SLC6A11: variants seen among roughly 807,000 people sequenced by gnomAD.
SLC6A11 encodes sodium- and chloride-dependent GABA transporter 3.
In SLC6A11, 25 loss-of-function variants were observed where a neutral mutation model predicts 74.8. The observed-to-expected ratio is 0.33, with a 90% CI of 0.24 to 0.47. The LOEUF is 0.47. Among genes scored for constraint, SLC6A11 ranks in the 20% least tolerant of loss-of-function variants. SLC6A11 has a pLI of 1.00. For synonymous variants in SLC6A11, 330 were observed against 330.2 expected (o/e 1.00, Z 0.01); for missense variants, 574 against 837.0 (o/e 0.69, Z 3.88).
At chr3:10,912,479 G>T (rs1695400365) in intron 7 of SLC6A11, among the ~76,000 whole-genome samples, 1 of 152,222 alleles carries the variant, frequency 6.6e-6, no homozygotes. Context: ...ACGTATTCCA[G>T]GATGGATAAG....
At chr3:10,846,571 G>A (rs1241969381) in intron 5 of SLC6A11, among the ~76,000 whole-genome samples, 1 of 152,194 alleles carries the variant, frequency 6.6e-6, no homozygotes, top group Non-Finnish European at 1.5e-5. Flanking sequence ...GTCCCTTAGT[G>A]AGGCCCTTTG....
At chr3:10,875,208 T>C (rs1435508566) in intron 6 of SLC6A11, 113 bp downstream of exon 6, 1 of 834,256 alleles carries the variant, frequency 1.2e-6, no homozygotes, top group African/African-American at 1.7e-5. Flanking sequence ...GTGGAAAGCC[T>C]GTGGACTCTT....
intron 5 of SLC6A11, among the ~76,000 whole-genome samples, chr3:10,854,632 C>CAG (rs1216079812): frequency 3.3e-5 from 5 of 152,242 alleles, no homozygotes; most frequent in African/African-American, 1.2e-4. Flanking sequence ...TTTTATAAGG[C>CAG]AGAGAGAGAC....
chr3:10,886,445 G>A (rs948169976), intron 6 of SLC6A11, among the ~76,000 whole-genome samples: 3 of 152,154 alleles, frequency 2.0e-5, no homozygotes, highest in African/African-American at 7.2e-5. Context: ...ATATTCCTGT[G>A]GCTGGCTCCC....
chr3:10,937,941 G>A (rs754011370), intron 13 of SLC6A11, among the ~76,000 whole-genome samples: 8 of 152,190 alleles, frequency 5.3e-5, no homozygotes, highest in Non-Finnish European at 4.4e-5. Flanking sequence ...CCTGATGACC[G>A]CTCTGAGTCC....
chr3:10,886,580 T>C (rs895190024), intron 6 of SLC6A11, among the ~76,000 whole-genome samples: 5 of 152,156 alleles, frequency 3.3e-5, no homozygotes, highest in Admixed American at 2.0e-4. Flanking sequence ...GGCCAAGACA[T>C]GTGGATCACT....
intron 5 of SLC6A11, among the ~76,000 whole-genome samples, chr3:10,858,878 A>G (rs1353652026): frequency 6.6e-6 from 1 of 152,230 alleles, no homozygotes; most frequent in African/African-American, 2.4e-5. Flanking sequence ...TGTGCAGCAT[A>G]TGGGATTGTC....
Position 10,934,085 on chromosome 3 carries a change from T to C in SLC6A11, c.1494T>C (p.Asp498=). 3 of 1,613,472 alleles carry C rather than the reference T, an allele frequency of 1.9e-6. No homozygotes were observed. Among genetic ancestry groups the C allele is most frequent in the Non-Finnish European group, 2.5e-6 (3 of 1,179,416 alleles). The change falls in exon 12 of 14, where the codon GAT becomes GAC. Residue 498 remains aspartate (D), a synonymous_variant. Transcript: ENST00000254488. ...GGACAGGAAGCAACCGGTTCTATGA[T>C]AACATTGAAGACATGATTGGCTACC... is the stretch of plus-strand genomic sequence containing the variant. ...GWVYGSNRFY[D]NIEDMIGYRP...
intron 5 of SLC6A11, among the ~76,000 whole-genome samples, chr3:10,868,746 C>A (rs1694793837): frequency 6.6e-6 from 1 of 152,234 alleles, no homozygotes; most frequent in African/African-American, 2.4e-5. Context: ...CATAGTTCAG[C>A]ATAATGCCTG....
chr3:10,932,639 G>A (rs899590876), intron 10 of SLC6A11, among the ~76,000 whole-genome samples: 9 of 152,214 alleles, frequency 5.9e-5, no homozygotes, highest in Non-Finnish European at 7.3e-5. Context: ...AGGAGGGACT[G>A]TGGGAAGGGA....
intron 8 of SLC6A11, among the ~76,000 whole-genome samples, chr3:10,924,100 A>G (rs190199775): frequency 1.6e-3 from 245 of 152,306 alleles, no homozygotes; most frequent in African/African-American, 5.6e-3. Flanking sequence ...AATAAACGCA[A>G]TGTGGAGTTC....
chr3:10,845,470 A>G (rs1364301003), intron 5 of SLC6A11, among the ~76,000 whole-genome samples: 1 of 152,176 alleles, frequency 6.6e-6, no homozygotes, highest in East Asian at 1.9e-4. Context: ...TCCCATAGGC[A>G]GTTGCTCATA....
chr3:10,938,213 A>C (rs1483527365), intron 13 of SLC6A11, 37 bp from the exon 14 acceptor site: 10 of 1,550,746 alleles, frequency 6.4e-6, no homozygotes, highest in Non-Finnish European at 8.8e-6. Context: ...CCTGGCAGCT[A>C]ATCACTCAGA....
At chr3:10,846,850 C>T (rs1328077607) in intron 5 of SLC6A11, among the ~76,000 whole-genome samples, 1 of 152,084 alleles carries the variant, frequency 6.6e-6, no homozygotes, top group Non-Finnish European at 1.5e-5. Flanking sequence ...GCATAGTGAC[C>T]CTGCCTCAAC....
chr3:10,938,114 C>A (rs1695779513), intron 13 of SLC6A11, 136 bp from the exon 14 acceptor site: 2 of 750,604 alleles, frequency 2.7e-6, no homozygotes, highest in Non-Finnish European at 4.1e-6. Context: ...CTGTAAGGGG[C>A]CAAGCTGGGG....
At chr3:10,937,446 G>C (rs951389279) in intron 13 of SLC6A11, among the ~76,000 whole-genome samples, 1 of 152,230 alleles carries the variant, frequency 6.6e-6, no homozygotes, top group African/African-American at 2.4e-5. Context: ...ATCTGAAAGA[G>C]AACATGGAAC....
chr3:10,903,850 T>C (rs1695270804), intron 6 of SLC6A11, among the ~76,000 whole-genome samples: 1 of 152,232 alleles, frequency 6.6e-6, no homozygotes, highest in Non-Finnish European at 1.5e-5. Context: ...TGCCCACATA[T>C]GCACAATGAC....
rs145382693 is a variant in SLC6A11 at position 10,878,729 on chromosome 3, C to T, written c.891+3634C>T. On this transcript the variant is annotated intron_variant, in intron 6 of 13. Transcript: ENST00000254488. Reference sequence around the variant, plus strand: ...TGCCTGGCCCACTCATCCTTTAGGACTGAGTTTAAACATCACTTTCTCAGG... The same window carrying T: ...TGCCTGGCCCACTCATCCTTTAGGATTGAGTTTAAACATCACTTTCTCAGG... Among the ~76,000 whole-genome samples, 1,389 of 152,140 alleles carry T rather than the reference C, an allele frequency of 9.1e-3. 77 individuals carry two copies. The South Asian group carries it at 0.11, about 12-fold the overall frequency.
chr3:10,933,458 G>A (rs558715885), intron 11 of SLC6A11, among the ~76,000 whole-genome samples: 46 of 152,310 alleles, frequency 3.0e-4, no homozygotes, highest in Admixed American at 1.7e-3. Flanking sequence ...GGGGTTCAGG[G>A]CTCAGGCACT....
Sources: gnomAD v4.1 joint callset for allele counts (sites outside exome capture counted in the v4.1 genomes callset) on GRCh38, gnomAD v4.1.1 for gene constraint, MANE v1.5 for transcripts, NCBI Gene and HGNC (gene_info 2026-07-23, HGNC 2026-07-21) for gene names.